The following VAV2 variants were observed in gnomAD, a reference collection of about 807,000 sequenced individuals.
VAV2 encodes the protein vav guanine nucleotide exchange factor 2.
In VAV2, 67 loss-of-function variants were observed where a neutral mutation model predicts 132.5. The observed-to-expected ratio is 0.51, with a 90% confidence interval of 0.42 to 0.62. VAV2 has a LOEUF of 0.62. Among genes scored for constraint, VAV2 ranks in the 20% least tolerant of loss-of-function variants. The pLI, the probability that VAV2 is intolerant of heterozygous loss-of-function variation, is 0.00. For synonymous variants in VAV2, 492 were observed against 443.5 expected (o/e 1.11, Z -1.37); for missense variants, 938 against 1,153.6 (o/e 0.81, Z 2.71).
At position 133,826,206 on chromosome 9, in the gene VAV2, G is replaced by T. The variant is rs1835982493; in HGVS notation, c.449+8066C>A. The stretch of plus-strand genomic sequence containing the variant: ...GACTGGGAAACTGAGGCCCTGTGTG[G>T]CATTTAACTTGCCCAGAGAAGCAGC... On this transcript the variant is annotated intron_variant, in intron 4 of 29. Transcript: ENST00000371850. This position sits in a 1 kb window ranked among gnomAD's most constrained non-coding sequence, Gnocchi z 4.2. 6.6e-6 allele frequency among the ~76,000 whole-genome samples: 1 copy of T among 152,180 alleles called. No homozygotes were observed. Among genetic ancestry groups the T allele is most frequent in the Admixed American group, 6.5e-5 (1 of 15,278 alleles).
At position 133,937,361 on chromosome 9, in the gene VAV2, GTGTGTT is replaced by G. The variant is rs201200739; in HGVS notation, c.321+1736_321+1741del. On this transcript the variant is annotated intron_variant, in intron 2 of 29. Transcript: ENST00000371850. ...GGAAGACGGGTTCAAGTGTGTGTAT[GTGTGTT>G]TGTGTGTGGTGTGTCCATGGATGTC... is the stretch of plus-strand genomic sequence containing the variant. 7.8e-3 allele frequency among the ~76,000 whole-genome samples: 1,180 copies of G among 150,656 alleles called. 9 individuals are homozygous for G. Among genetic ancestry groups the G allele is most frequent in the African/African-American group, 0.027 (1,092 of 40,772 alleles).
At chr9:133,818,589 A>T (rs1417700389) in intron 4 of VAV2, among the ~76,000 whole-genome samples, 1 of 152,132 alleles carries the variant, frequency 6.6e-6, no homozygotes, top group African/African-American at 2.4e-5. Flanking sequence ...ACTTAAGTTA[A>T]ATCACTGGCT....
intron 23 of VAV2, among the ~76,000 whole-genome samples, chr9:133,776,663 C>T (rs141701608): frequency 2.0e-5 from 3 of 152,294 alleles, no homozygotes; most frequent in African/African-American, 7.2e-5. Flanking sequence ...AGTTTGTGAC[C>T]CTTGTCCTCC....
chr9:133,990,619 T>C lies in VAV2; in HGVS notation c.204+1456A>G, dbSNP rs964019412. On this transcript the variant is annotated intron_variant, in intron 1 of 29. Coordinates refer to ENST00000371850, the MANE Select transcript of VAV2 (RefSeq NM_001134398.2). ...CAGCCTGGGCAGCCCCTGGAACTCA[T>C]ATCAAAGGCAGCCACCTTGGTTCGA... Among the ~76,000 whole-genome samples the C allele has an allele frequency of 2.6e-5, 4 of 152,282 alleles. No homozygotes were observed. The East Asian group carries it at 7.7e-4, about 29-fold the overall frequency.
intron 4 of VAV2, among the ~76,000 whole-genome samples, chr9:133,813,939 A>C (rs562710706): frequency 1.5e-3 from 221 of 152,308 alleles, no homozygotes; most frequent in Non-Finnish European, 2.8e-3. Context: ...AGATTAAAAC[A>C]AACAAACTGA....
chr9:133,843,153 A>G (rs1440040821), intron 3 of VAV2, among the ~76,000 whole-genome samples: 2 of 151,862 alleles, frequency 1.3e-5, no homozygotes, highest in Admixed American at 1.3e-4. Flanking sequence ...CCATGGCCAC[A>G]CCCGGCTCGG....
chr9:133,921,003 G>T (rs995854005), intron 2 of VAV2, among the ~76,000 whole-genome samples: 2 of 152,206 alleles, frequency 1.3e-5, no homozygotes, highest in South Asian at 4.1e-4. Flanking sequence ...CTCATAATTA[G>T]TCTTTGATTA....
chr9:133,934,465 G>A (rs188618847), intron 2 of VAV2, among the ~76,000 whole-genome samples: 7 of 152,330 alleles, frequency 4.6e-5, no homozygotes, highest in Admixed American at 4.6e-4. Context: ...ACTGGCCTGT[G>A]AGCAGGTGAG....
At chr9:133,949,888 T>A (rs568550411) in intron 1 of VAV2, among the ~76,000 whole-genome samples, 1 of 152,206 alleles carries the variant, frequency 6.6e-6, no homozygotes, top group South Asian at 2.1e-4. Context: ...TCCTGCTGTT[T>A]AGGGGTTTCA....
chr9:133,776,617 G>A (rs933714972), intron 23 of VAV2, among the ~76,000 whole-genome samples: 20 of 152,296 alleles, frequency 1.3e-4, no homozygotes, highest in African/African-American at 4.6e-4. Flanking sequence ...ACTGAGGCCT[G>A]GGGAAGGGAA....
chr9:133,965,988 C>T (rs527795993), intron 1 of VAV2, among the ~76,000 whole-genome samples: 1 of 152,278 alleles, frequency 6.6e-6, no homozygotes, highest in South Asian at 2.1e-4. Context: ...CACACATTTA[C>T]AGTCAACTCA....
chr9:133,820,773 G>C (rs1047918815), intron 4 of VAV2, among the ~76,000 whole-genome samples: 1 of 152,196 alleles, frequency 6.6e-6, no homozygotes, highest in African/African-American at 2.4e-5. Flanking sequence ...CTCAGGGGCT[G>C]GGCTGGAGGA....
rs556385273 is a variant in VAV2, at chr9:133,825,704, G to A, written c.449+8568C>T. 2.0e-4 allele frequency among the ~76,000 whole-genome samples: 31 copies of A among 152,252 alleles called. 1 individual carries two copies. The South Asian group carries it at 2.1e-3, about 10-fold the overall frequency. ...AACGGCGGGGAGGGTGGGCCATAGA[G>A]GACAGCGGTTTGTTCCTCACTCCTT... On this transcript the variant is annotated intron_variant, in intron 4 of 29. Coordinates refer to ENST00000371850, the MANE Select transcript of VAV2 (RefSeq NM_001134398.2).
Position 133,807,293 on chromosome 9 carries a change from G to A in VAV2, c.700C>T (p.Pro234Ser). ...ATGAAGACAGCTGCCATGTCCGCCGGGCTCAGCACCAGCCGCAGGGGGCTC... is the reference window on the plus strand; with the variant it reads ...ATGAAGACAGCTGCCATGTCCGCCGAGCTCAGCACCAGCCGCAGGGGGCTC... Reference protein sequence around the residue: ...YMSPLRLVLSPADMAAVFINL... With the variant: ...YMSPLRLVLSSADMAAVFINL... The change falls in exon 8 of 30, where the codon CCG becomes TCG. Residue 234 changes from proline to serine, a missense_variant. By Grantham distance (74) the Pro-to-Ser change is moderately conservative. Coordinates refer to ENST00000371850, the MANE Select transcript of VAV2 (RefSeq NM_001134398.2). 1 of 1,611,292 alleles carries A rather than the reference G, an allele frequency of 6.2e-7. No homozygotes were observed. Among genetic ancestry groups the A allele is most frequent in the Non-Finnish European group, 8.5e-7 (1 of 1,179,376 alleles).
chr9:133,773,539 C>G (rs886156022), intron 25 of VAV2, among the ~76,000 whole-genome samples: 18 of 152,166 alleles, frequency 1.2e-4, no homozygotes, highest in African/African-American at 4.3e-4. Flanking sequence ...TTTTTGTTAA[C>G]TTTTTGAAGC....
intron 2 of VAV2, among the ~76,000 whole-genome samples, chr9:133,898,618 G>T (rs1839311216): frequency 6.6e-6 from 1 of 151,976 alleles, no homozygotes; most frequent in South Asian, 2.1e-4. Context: ...TAAATAAAAA[G>T]ATCATTTTTA....
intron 4 of VAV2, among the ~76,000 whole-genome samples, chr9:133,813,476 A>G (rs1378181871): frequency 6.6e-6 from 1 of 152,218 alleles, no homozygotes; most frequent in East Asian, 1.9e-4. Context: ...TTCAAGGTCT[A>G]CTTGAGAGAG....
intron 2 of VAV2, among the ~76,000 whole-genome samples, chr9:133,862,089 G>A (rs1044398414): frequency 4.6e-5 from 7 of 152,364 alleles, no homozygotes; most frequent in African/African-American, 1.4e-4. Flanking sequence ...CGGCAGACTG[G>A]TCAAGAGGAA....
intron 2 of VAV2, among the ~76,000 whole-genome samples, chr9:133,907,167 G>A (rs544659709): frequency 1.4e-4 from 22 of 152,322 alleles, no homozygotes; most frequent in African/African-American, 4.3e-4. Context: ...GATGGCTGCC[G>A]GTGCCAGCCC....
Sources: allele counts gnomAD v4.1 joint callset (sites outside exome capture counted in the v4.1 genomes callset), GRCh38; gene constraint gnomAD v4.1.1; non-coding constraint Gnocchi (gnomAD v3.1); transcripts MANE v1.5; gene names NCBI Gene and HGNC (gene_info 2026-07-23, HGNC 2026-07-21).